The following FANCD2 variants were observed in gnomAD, a reference collection of about 807,000 sequenced individuals.
FANCD2 encodes Fanconi anemia group D2 protein.
In FANCD2, 131 loss-of-function variants were observed where a neutral mutation model predicts 192.3. That is an observed-to-expected ratio of 0.68 (90% confidence interval 0.59 to 0.79). The LOEUF (loss-of-function observed/expected upper bound fraction) is 0.79, where lower values mean the gene tolerates loss of function less well. Among genes scored for constraint, FANCD2 ranks in the 30% least tolerant of loss-of-function variants. The probability of loss-of-function intolerance (pLI) is 0.00; values close to 1 mark genes in which losing one functional copy is unlikely to be tolerated. For synonymous variants in FANCD2, 524 were observed against 612.5 expected, an observed-to-expected ratio of 0.86 and a Z score of 2.13; for missense variants, 1,508 against 1,701.6, an observed-to-expected ratio of 0.89 and a Z score of 2.00.
At chr3:10,089,550 A>C (rs1353462260) in intron 36 of FANCD2, among the ~76,000 whole-genome samples, 1 of 151,666 alleles carries the variant, frequency 6.6e-6, no homozygotes, top group African/African-American at 2.4e-5. Flanking sequence ...GCTCACTGCA[A>C]CCTCCACCTC....
At chr3:10,052,833 A>G (rs1192508803) in intron 18 of FANCD2, among the ~76,000 whole-genome samples, 1 of 149,078 alleles carries the variant, frequency 6.7e-6, no homozygotes, top group African/African-American at 2.5e-5. Context: ...ATGAGATACC[A>G]TCTCACACCA....
chr3:10,028,571 C>T, intron 1 of FANCD2, 54 bp from the exon 2 acceptor site: 1 of 1,205,558 alleles, frequency 8.3e-7, no homozygotes, highest in Non-Finnish European at 1.2e-6. Context: ...ATAGCTTTAA[C>T]TTCTCAGAAT....
intron 17 of FANCD2, among the ~76,000 whole-genome samples, chr3:10,049,709 A>C (rs1330348383): frequency 6.6e-6 from 1 of 152,214 alleles, no homozygotes; most frequent in South Asian, 2.1e-4. Flanking sequence ...GTAGGCCCTT[A>C]CCTTTCATGT....
intron 16 of FANCD2, 42 bp from the exon 17 acceptor site, chr3:10,049,332 A>G (rs372896393): frequency 9.1e-6 from 14 of 1,541,212 alleles, no homozygotes; most frequent in Non-Finnish European, 1.2e-5. Flanking sequence ...ATGGCCATCC[A>G]TATTTTGTTT....
chr3:10,035,484 G>A (rs879620977), intron 6 of FANCD2, among the ~76,000 whole-genome samples: 1 of 152,124 alleles, frequency 6.6e-6, no homozygotes, highest in Non-Finnish European at 1.5e-5. Flanking sequence ...TCTTAAAGCT[G>A]CATCCTGTGT....
intron 14 of FANCD2, among the ~76,000 whole-genome samples, chr3:10,044,996 G>A (rs17032295): frequency 0.2 from 29,846 of 151,190 alleles, 3,440 homozygotes; most frequent in African/African-American, 0.32. Context: ...TAATAACTCA[G>A]TTTTGGTGTC....
rs568071088 is a variant in FANCD2 at position 10,081,627 on chromosome 3, A to T, written c.3224+163A>T. On this transcript the variant is annotated intron_variant, in intron 32 of 43. Transcript: ENST00000675286. Reference sequence around the variant, plus strand: ...GTTTTTGTCTGTATTATTTCATTTGATCTTGTACCCTCTGAGTCCTTTGGA... The same window carrying T: ...GTTTTTGTCTGTATTATTTCATTTGTTCTTGTACCCTCTGAGTCCTTTGGA... 4 of 718,174 alleles carry T rather than the reference A, an allele frequency of 5.6e-6. No homozygotes were observed. The South Asian group carries it at 6.0e-5, about 11-fold the overall frequency. The allele number at this position is 718,174 out of a possible 1,614,324, so 44.5% of individuals were successfully genotyped here.
At chr3:10,054,212 A>AAAAT (rs935293858) in intron 18 of FANCD2, among the ~76,000 whole-genome samples, 9 of 151,044 alleles carry the variant, frequency 6.0e-5, no homozygotes, top group Non-Finnish European at 8.8e-5. Flanking sequence ...ACTCTATCTC[A>AAAAT]AAATAAATAA....
chr3:10,078,076 G>A lies in FANCD2; in HGVS notation c.2860-5G>A. ...CTGGAACTAATCCTTTCCTCCATGT[G>A]ACAGGCTACAGAAGTTGTGCAACTT... On this transcript the variant is annotated splice_region_variant and splice_polypyrimidine_tract_variant and intron_variant, in intron 29 of 43. Coordinates refer to ENST00000675286, the MANE Select transcript of FANCD2 (RefSeq NM_001018115.3). 2 of 1,585,686 alleles carry A rather than the reference G, an allele frequency of 1.3e-6. No individual in the cohort carries two copies. Among genetic ancestry groups the A allele is most frequent in the East Asian group, 4.5e-5 (2 of 44,722 alleles).
intron 15 of FANCD2, 147 bp downstream of exon 15, chr3:10,046,870 C>G (rs1272840882): frequency 2.7e-6 from 2 of 740,504 alleles, no homozygotes; most frequent in East Asian, 2.7e-5. Context: ...TTGTCTATCT[C>G]AATGCAGTTT....
Position 10,039,751 on chromosome 3 carries a change from A to G in FANCD2, c.601A>G (p.Ser201Gly), listed in dbSNP as rs1270064924. 2 of 1,614,060 alleles carry G rather than the reference A, an allele frequency of 1.2e-6. No homozygotes were observed. The highest frequency in any genetic ancestry group is 2.2e-5 in the East Asian group (1 of 44,872). ...DLTTKIMQLI[S>G]IAPENLQHDI... is the part of the protein sequence containing the mutation. ...CACCACCAAGATCATGCAGCTGATC[A>G]GTATTGCTCCAGAGAACCTGCAGCA... is the stretch of plus-strand genomic sequence containing the variant. Residue 201 changes from serine to glycine, a missense_variant, in exon 9 of 44, where the codon AGT becomes GGT. Physicochemically the swap from Ser to Gly is moderately conservative, Grantham distance 56. Transcript: ENST00000675286.
chr3:10,034,167 C>CA (rs1297096755), intron 3 of FANCD2, among the ~76,000 whole-genome samples: 8 of 148,532 alleles, frequency 5.4e-5, no homozygotes. Flanking sequence ...ACTAAAAATA[C>CA]AAAAAACGAA....
intron 26 of FANCD2, among the ~76,000 whole-genome samples, chr3:10,069,923 A>G (rs963541867): frequency 8.5e-6 from 1 of 118,102 alleles, no homozygotes; most frequent in Non-Finnish European, 1.8e-5. Flanking sequence ...CTGGCCGCCC[A>G]TCGTCTGGGA....
chr3:10,033,278 G>A (rs1219862934), intron 3 of FANCD2, among the ~76,000 whole-genome samples: 1 of 152,130 alleles, frequency 6.6e-6, no homozygotes, highest in Admixed American at 6.6e-5. Flanking sequence ...GCATGTGCCT[G>A]TAGTCCCAGC....
Position 10,092,091 on chromosome 3 carries a change from A to C in FANCD2, c.3778-90A>C. On this transcript the variant is annotated intron_variant, in intron 37 of 43. Transcript: ENST00000675286. ...AATTGGCTTAAATATCTGTATAGCT[A>C]TGTAATTCAAGAACTATATCTTAGT... is the stretch of plus-strand genomic sequence containing the variant. The C allele has an allele frequency of 3.2e-6, 3 of 925,618 alleles. No individual in the cohort carries two copies. In the South Asian group the frequency reaches 3.9e-5, roughly 12 times the overall value. 57.3% of individuals were successfully genotyped at this position (925,618 alleles called of 1,614,324 possible). A position where few individuals can be genotyped will look rare whatever the true frequency, so the allele number is the denominator to read the frequency against.
At chr3:10,092,464 A>C (rs1694689880) in intron 38 of FANCD2, among the ~76,000 whole-genome samples, 2 of 145,498 alleles carry the variant, frequency 1.4e-5, no homozygotes, top group African/African-American at 2.6e-5. Flanking sequence ...CCTTCCTCCT[A>C]CTTATGCCAC....
chr3:10,044,048 C>G (rs2086935757), intron 14 of FANCD2, among the ~76,000 whole-genome samples, 184 bp downstream of exon 14: 1 of 152,180 alleles, frequency 6.6e-6, no homozygotes, highest in Admixed American at 6.5e-5. Context: ...GCCAGATAGC[C>G]TGCCCCTACT....
In FANCD2 at chr3:10,081,492, C is replaced by T. The variant is rs754206628; in HGVS notation, c.3224+28C>T. 1.9e-5 allele frequency: 27 copies of T among 1,433,538 alleles called. No homozygotes were observed. In the South Asian group the frequency reaches 3.1e-4, roughly 16 times the overall value. 88.8% of individuals were successfully genotyped at this position (1,433,538 alleles called of 1,614,324 possible). On this transcript the variant is annotated intron_variant, in intron 32 of 43. Transcript: ENST00000675286. ...AAGTATGTGGGAAGTGTGGAGAGAA[C>T]TGAGTATATACTTGCTTTTATTTGA...
chr3:10,092,335 C>A (rs1694667908), intron 38 of FANCD2, 83 bp downstream of exon 38: 2 of 1,026,936 alleles, frequency 1.9e-6, no homozygotes, highest in Admixed American at 1.7e-5. Flanking sequence ...ACTTTCCTTG[C>A]TCCTCTTCCC....
Sources: gnomAD v4.1 joint callset for allele counts (sites outside exome capture counted in the v4.1 genomes callset) on GRCh38, gnomAD v4.1.1 for gene constraint, MANE v1.5 for transcripts, NCBI Gene and HGNC (gene_info 2026-07-23, HGNC 2026-07-21) for gene names.